PCSK1: variants seen among roughly 807,000 people sequenced by gnomAD.
The protein encoded by PCSK1 is neuroendocrine convertase 1.
In PCSK1, 56 loss-of-function variants were observed where a neutral mutation model predicts 90.6. The ratio of observed to expected loss-of-function variants is 0.62; its 90% CI spans 0.50 to 0.77. The LOEUF (loss-of-function observed/expected upper bound fraction) is 0.77. PCSK1 is among the 30% of genes least tolerant of loss of function. The pLI, the probability that PCSK1 is intolerant of heterozygous loss-of-function variation, is 0.00. For synonymous variants in PCSK1, 348 were observed against 342.4 expected (o/e 1.02, Z -0.18); for missense variants, 801 against 932.6 (o/e 0.86, Z 1.84).
intron 8 of PCSK1, among the ~76,000 whole-genome samples, chr5:96,409,493 A>G (rs998408913): frequency 1.3e-5 from 2 of 152,192 alleles, no homozygotes; most frequent in African/African-American, 4.8e-5. Context: ...GACTGTCTCA[A>G]ATAGAATCCA....
chr5:96,429,722 C>T (rs544646874), intron 1 of PCSK1, among the ~76,000 whole-genome samples: 2 of 152,226 alleles, frequency 1.3e-5, no homozygotes, highest in African/African-American at 4.8e-5. Context: ...TTTTCTGTTC[C>T]TGTGTTAGTT....
intron 1 of PCSK1, among the ~76,000 whole-genome samples, 196 bp from the exon 2 acceptor site, chr5:96,429,513 G>T (rs1427150725): frequency 6.6e-6 from 1 of 152,074 alleles, no homozygotes; most frequent in Non-Finnish European, 1.5e-5. Context: ...AGGTAAACTT[G>T]TGTCACGGGG....
chr5:96,398,460 T>C (rs1760241008), intron 11 of PCSK1, among the ~76,000 whole-genome samples: 1 of 152,212 alleles, frequency 6.6e-6, no homozygotes, highest in Admixed American at 6.5e-5. Flanking sequence ...TTGTTAATCT[T>C]CTCAATCTCC....
chr5:96,410,236 A>G (rs1185874983), intron 8 of PCSK1, among the ~76,000 whole-genome samples: 2 of 152,102 alleles, frequency 1.3e-5, no homozygotes, highest in Non-Finnish European at 1.5e-5. Flanking sequence ...CTCTGAGCAT[A>G]CGACCTCCCC....
In PCSK1 at chr5:96,390,479, T is replaced by A. The variant is rs1759903945; in HGVS notation, c.*2522A>T. Reference sequence around the variant, plus strand: ...CTTAAGAATACCAAGACCACACATGTTAAACTCAGCTACATGTTGTATTAG... The same window carrying A: ...CTTAAGAATACCAAGACCACACATGATAAACTCAGCTACATGTTGTATTAG... On this transcript the variant is annotated 3_prime_UTR_variant, in exon 14 of 14. Coordinates refer to ENST00000311106, the MANE Select transcript of PCSK1 (RefSeq NM_000439.5). 6.6e-6 allele frequency: 1 copy of A among 152,412 alleles called. No individual in the cohort carries two copies. The highest frequency in any genetic ancestry group is 1.5e-5 in the Non-Finnish European group (1 of 68,026). 9.4% of individuals were successfully genotyped at this position (152,412 alleles called of 1,614,324 possible). A position where few individuals can be genotyped will look rare whatever the true frequency, so the allele number is the denominator to read the frequency against.
intron 2 of PCSK1, among the ~76,000 whole-genome samples, chr5:96,427,165 A>T (rs1358274356): frequency 6.6e-6 from 1 of 152,216 alleles, no homozygotes; most frequent in East Asian, 1.9e-4. Flanking sequence ...GATTTGAAAG[A>T]ATATTATCCT....
intron 9 of PCSK1, among the ~76,000 whole-genome samples, chr5:96,407,659 T>C (rs1407064874): frequency 6.6e-6 from 1 of 152,214 alleles, no homozygotes; most frequent in East Asian, 1.9e-4. Context: ...TGTTTAAGCA[T>C]GATTAGATGA....
At chr5:96,395,629 A>G (rs1205592445) in intron 12 of PCSK1, among the ~76,000 whole-genome samples, 1 of 152,068 alleles carries the variant, frequency 6.6e-6, no homozygotes, top group African/African-American at 2.4e-5. Flanking sequence ...ACATCACACA[A>G]TGGGCCTGTC....
At chr5:96,394,693 TG>T (rs1233593107) in intron 13 of PCSK1, among the ~76,000 whole-genome samples, 170 bp downstream of exon 13, 2 of 152,184 alleles carry the variant, frequency 1.3e-5, no homozygotes, top group Admixed American at 6.5e-5. Flanking sequence ...AAATATTGAA[TG>T]AAAAAAATAC....
Position 96,408,318 on chromosome 5 carries a change from G to A in PCSK1, c.1101C>T (p.Ser367=). 14 of 1,613,004 alleles carry A rather than the reference G, an allele frequency of 8.7e-6. No homozygotes were observed. Among genetic ancestry groups the A allele is most frequent in the South Asian group, 1.1e-5 (1 of 90,992 alleles). Residue 367 remains serine (S), a synonymous_variant, in exon 9 of 14, where the codon AGC becomes AGT. Coordinates refer to ENST00000311106, the MANE Select transcript of PCSK1 (RefSeq NM_000439.5). ...CCGTGCAGTCATTGTGCAGGTCAGC[G>A]CTCGTCTGGATGACGTCAGGAAGGA... The part of the protein sequence containing the change: ...SGDYTDQRIT[S]ADLHNDCTET...
intron 9 of PCSK1, among the ~76,000 whole-genome samples, chr5:96,402,782 G>A (rs1356786136): frequency 6.6e-6 from 1 of 152,120 alleles, no homozygotes; most frequent in African/African-American, 2.4e-5. Context: ...CACCTGAGCT[G>A]AGCTCCCGAC....
At chr5:96,395,139 A>T (rs1760088116) in intron 12 of PCSK1, 114 bp from the exon 13 acceptor site, 3 of 895,828 alleles carry the variant, frequency 3.3e-6, no homozygotes, top group Non-Finnish European at 5.4e-6. Context: ...GATTCTGTGC[A>T]TTTCATGTGA....
In PCSK1 at chr5:96,408,327, G is replaced by C. The variant is rs1210036642; in HGVS notation, c.1096-4C>G. On this transcript the variant is annotated splice_region_variant and splice_polypyrimidine_tract_variant and intron_variant, in intron 8 of 13. Coordinates refer to ENST00000311106, the MANE Select transcript of PCSK1 (RefSeq NM_000439.5). ...CATTGTGCAGGTCAGCGCTCGTCTG[G>C]ATGACGTCAGGAAGGAGAGAAAGGC... 2 of 1,610,778 alleles carry C rather than the reference G, an allele frequency of 1.2e-6. No homozygotes were observed. The highest frequency in any genetic ancestry group is 8.5e-7 in the Non-Finnish European group (1 of 1,177,282).
intron 5 of PCSK1, among the ~76,000 whole-genome samples, chr5:96,418,671 C>G (rs1484588908): frequency 2.0e-5 from 3 of 152,120 alleles, no homozygotes; most frequent in African/African-American, 7.2e-5. Flanking sequence ...AAGGCCAAGA[C>G]AAAATGGAGC....
chr5:96,419,857 G>A (rs79323511), intron 5 of PCSK1, among the ~76,000 whole-genome samples: 18 of 152,174 alleles, frequency 1.2e-4, no homozygotes, highest in Non-Finnish European at 2.2e-4. Context: ...TTTGAGGAAG[G>A]TCTGAGTGTT....
intron 10 of PCSK1, among the ~76,000 whole-genome samples, chr5:96,399,671 TG>T (rs948755792): frequency 8.5e-5 from 13 of 152,190 alleles, no homozygotes; most frequent in African/African-American, 3.1e-4. Flanking sequence ...TTAAAACTGA[TG>T]GGTGGTTGAT....
chr5:96,427,340 G>A (rs190574527), intron 2 of PCSK1, among the ~76,000 whole-genome samples: 12 of 152,274 alleles, frequency 7.9e-5, no homozygotes, highest in Non-Finnish European at 1.3e-4. Context: ...AGAAGAGCAG[G>A]CTGAATGGTA....
intron 9 of PCSK1, among the ~76,000 whole-genome samples, chr5:96,402,300 CAG>C (rs1760405490): frequency 6.6e-6 from 1 of 152,228 alleles, no homozygotes; most frequent in South Asian, 2.1e-4. Context: ...CATGCAGACA[CAG>C]TGTGCAGTTT....
intron 5 of PCSK1, among the ~76,000 whole-genome samples, chr5:96,420,206 G>A (rs1341882027): frequency 6.6e-6 from 1 of 152,180 alleles, no homozygotes; most frequent in Non-Finnish European, 1.5e-5. Flanking sequence ...CCAGTTTAGG[G>A]GAAGAAAATG....
Sources: allele counts gnomAD v4.1 joint callset (sites outside exome capture counted in the v4.1 genomes callset), GRCh38; gene constraint gnomAD v4.1.1; transcripts MANE v1.5; gene names NCBI Gene and HGNC (gene_info 2026-07-23, HGNC 2026-07-21).